Variants in EFEMP2 observed in about 807,000 individuals in gnomAD.
EFEMP2 encodes EGF-like fibulin extracellular matrix protein 2, also known as EGF-containing fibulin-like extracellular matrix protein 2.
In EFEMP2, 21 loss-of-function variants were observed where a neutral mutation model predicts 55.3. That is an observed-to-expected ratio of 0.38 (90% CI 0.27 to 0.55). EFEMP2 has a LOEUF of 0.55. Ranked by LOEUF, EFEMP2 falls within the 20% of genes least tolerant of loss-of-function variation. EFEMP2 has a pLI of 0.77. For missense variants in EFEMP2, 513 were observed against 615.1 expected (o/e 0.83, Z 1.76); for synonymous variants, 275 against 242.3 (o/e 1.14, Z -1.25).
chr11:65,871,436 G>A (rs778870563), intron 3 of EFEMP2, 73 bp from the exon 4 acceptor site: 1 of 1,436,992 alleles, frequency 7.0e-7, no homozygotes, highest in Non-Finnish European at 9.8e-7. Context: ...CAGGAACCCA[G>A]CTCGGCCTTC....
intron 10 of EFEMP2, 64 bp downstream of exon 10, chr11:65,867,797 C>G: frequency 6.3e-7 from 1 of 1,587,400 alleles, no homozygotes; most frequent in Non-Finnish European, 8.6e-7. Context: ...CGAGTTCCCC[C>G]TTAAGGCGTC....
intron 3 of EFEMP2, 84 bp downstream of exon 3, chr11:65,871,886 T>C (rs944106444): frequency 6.6e-7 from 1 of 1,513,914 alleles, no homozygotes; most frequent in African/African-American, 1.4e-5. Context: ...ACGGCAGTTC[T>C]TGGAGGTGGG....
chr11:65,870,202 G>C lies in EFEMP2; in HGVS notation c.526C>G (p.Arg176Gly), dbSNP rs773297046. Reference sequence around the variant, plus strand: ...AAGGAGCCAGGCAGGTTCACGCAGCGGTGCTGGCAGTAGCGGTAGCGGCAC... The same window carrying C: ...AAGGAGCCAGGCAGGTTCACGCAGCCGTGCTGGCAGTAGCGGTAGCGGCAC... ...DECRYRYCQH[R>G]CVNLPGSFRC... Residue 176 changes from arginine (R) to glycine (G), a missense_variant, in exon 6 of 11, where the codon CGC becomes GGC. Transcript: ENST00000307998. The C allele has an allele frequency of 6.2e-7, 1 of 1,613,614 alleles. No homozygotes were observed. Among genetic ancestry groups the C allele is most frequent in the Admixed American group, 1.7e-5 (1 of 60,024 alleles).
At position 65,870,223 on chromosome 11, in the gene EFEMP2, G is replaced by C; in HGVS notation, c.505C>G (p.Arg169Gly). Reference sequence around the variant, plus strand: ...CAGCGGTGCTGGCAGTAGCGGTAGCGGCACTCGTCTATGTCTAGGGATAGA... The same window carrying C: ...CAGCGGTGCTGGCAGTAGCGGTAGCCGCACTCGTCTATGTCTAGGGATAGA... ...GPECVDIDEC[R>G]YRYCQHRCVN... The change falls in exon 6 of 11, where the codon CGC (arginine) becomes GGC (glycine). Residue 169 changes from arginine to glycine, a missense_variant. Transcript: ENST00000307998. The C allele has an allele frequency of 1.2e-6, 2 of 1,613,446 alleles. No individual in the cohort carries two copies. Among genetic ancestry groups the C allele is most frequent in the Non-Finnish European group, 1.7e-6 (2 of 1,179,994 alleles).
At chr11:65,867,134 C>T in intron 10 of EFEMP2, 55 bp from the exon 11 acceptor site, 1 of 1,607,540 alleles carries the variant, frequency 6.2e-7, no homozygotes, top group Non-Finnish European at 8.5e-7. Context: ...TGTGCTAGGC[C>T]CCTGCCCCAG....
chr11:65,872,680 C>A lies in EFEMP2; in HGVS notation c.-8+3G>T. On this transcript the variant is annotated splice_donor_region_variant and intron_variant, in intron 1 of 10. Transcript: ENST00000307998. ...TCCCCCACGGACGGTCACAGCCACT[C>A]ACTTGGGCCCGCGACACCCCCGCGG... 1 of 346,148 alleles carries A rather than the reference C, an allele frequency of 2.9e-6. No individual in the cohort carries two copies. Among genetic ancestry groups the A allele is most frequent in the South Asian group, 2.1e-5 (1 of 47,846 alleles). 21.4% of individuals were successfully genotyped at this position (346,148 alleles called of 1,614,324 possible). A position where few individuals can be genotyped will look rare whatever the true frequency, so the allele number is the denominator to read the frequency against.
In EFEMP2 at chr11:65,872,758, CG is replaced by C; in HGVS notation, c.-84del. The C allele has an allele frequency of 6.1e-6, 2 of 329,878 alleles. No homozygotes were observed. Among genetic ancestry groups the C allele is most frequent in the South Asian group, 2.1e-5 (1 of 46,754 alleles). 20.4% of individuals were successfully genotyped at this position (329,878 alleles called of 1,614,324 possible). Reference sequence around the variant, plus strand: ...CGGGCAATGCCTGCGGGCAGACGGACGGGCGGACGGCACAGCTCCCTGGACG... The same window carrying C: ...CGGGCAATGCCTGCGGGCAGACGGACGGCGGACGGCACAGCTCCCTGGACG... On this transcript the variant is annotated 5_prime_UTR_variant, in exon 1 of 11. Coordinates refer to ENST00000307998, the MANE Select transcript of EFEMP2 (RefSeq NM_016938.5).
Position 65,872,248 on chromosome 11 carries a change from T to G in EFEMP2, c.107A>C (p.Tyr36Ser), listed in dbSNP as rs1435111088. Reference protein sequence around the residue: ...SPQDSEEPDSYTECTDGYEWD... With the variant: ...SPQDSEEPDSSTECTDGYEWD... ...AGCGGCCCTCACTGTCCCCACCGTG[T>G]AGCTGTCGGGCTCTTCAGAATCCTG... is the stretch of plus-strand genomic sequence containing the variant. Residue 36 changes from tyrosine to serine, a missense_variant, in exon 2 of 11, where the codon TAC (tyrosine) becomes TCC (serine). Transcript: ENST00000307998. The G allele has an allele frequency of 6.4e-7, 1 of 1,551,306 alleles. No homozygotes were observed. The highest frequency in any genetic ancestry group is 1.2e-5 in the South Asian group (1 of 84,048).
At position 65,872,714 on chromosome 11, in the gene EFEMP2, T is replaced by C; in HGVS notation, c.-39A>G. On this transcript the variant is annotated 5_prime_UTR_variant, in exon 1 of 11. Transcript: ENST00000307998. The stretch of plus-strand genomic sequence containing the variant: ...CCGCGACACCCCCGCGGCCCGCGGC[T>C]CTGGCGGCTCGGCTGGCTCGGGCAA... 2.8e-6 allele frequency: 1 copy of C among 355,452 alleles called. No homozygotes were observed. Among genetic ancestry groups the C allele is most frequent in the Non-Finnish European group, 5.7e-6 (1 of 176,328 alleles). 22.0% of individuals were successfully genotyped at this position (355,452 alleles called of 1,614,324 possible).
rs967073714 is a variant in EFEMP2 at position 65,868,229 on chromosome 11, C to T, written c.974+66G>A. 3 of 1,605,446 alleles carry T rather than the reference C, an allele frequency of 1.9e-6. No homozygotes were observed. The African/African-American group carries it at 4.0e-5, about 21-fold the overall frequency. On this transcript the variant is annotated intron_variant, in intron 9 of 10. Coordinates refer to ENST00000307998, the MANE Select transcript of EFEMP2 (RefSeq NM_016938.5). ...GGGCACTCGCTGGTCTGAATAGATGCCAGTCAGCCCCAAAGCCCCCTGGGA... is the reference window on the plus strand; with the variant it reads ...GGGCACTCGCTGGTCTGAATAGATGTCAGTCAGCCCCAAAGCCCCCTGGGA...
At position 65,866,593 on chromosome 11, in the gene EFEMP2, C is replaced by G; in HGVS notation, c.*325G>C. 2.8e-6 allele frequency: 2 copies of G among 702,900 alleles called. No individual in the cohort carries two copies. Among genetic ancestry groups the G allele is most frequent in the East Asian group, 5.4e-5 (2 of 37,272 alleles). The allele number at this position is 702,900 out of a possible 1,614,324, so 43.5% of individuals were successfully genotyped here. ...TTTCTTAGGACCCCTGCAAGCCAGC[C>G]AAGTCCAAATCTCTGGGCCGGGGCC... On this transcript the variant is annotated 3_prime_UTR_variant, in exon 11 of 11. Transcript: ENST00000307998.
At position 65,870,112 on chromosome 11, in the gene EFEMP2, C is replaced by T. The variant is rs1231846567; in HGVS notation, c.607+9G>A. On this transcript the variant is annotated intron_variant, in intron 6 of 10. Coordinates refer to ENST00000307998, the MANE Select transcript of EFEMP2 (RefSeq NM_016938.5). ...CAGGACCCAGGAGCCTGGCCCAGCC[C>T]AGCCTCACCAACACAGGAGCGGTTG... 1 of 1,613,620 alleles carries T rather than the reference C, an allele frequency of 6.2e-7. No individual in the cohort carries two copies. Among genetic ancestry groups the T allele is most frequent in the South Asian group, 1.1e-5 (1 of 91,074 alleles).
At chr11:65,869,762 G>T in intron 7 of EFEMP2, 95 bp downstream of exon 7, 1 of 1,568,726 alleles carries the variant, frequency 6.4e-7, no homozygotes, top group Non-Finnish European at 8.7e-7. Context: ...GACAGGAGGC[G>T]GAGGCCTCAA....
chr11:65,871,095 T>A, intron 4 of EFEMP2, 62 bp downstream of exon 4: 1 of 1,584,400 alleles, frequency 6.3e-7, no homozygotes, highest in Non-Finnish European at 8.6e-7. Context: ...GAACATGAGG[T>A]CTGAGTTTAA....
chr11:65,871,074 GA>G, intron 4 of EFEMP2, 82 bp downstream of exon 4: 1 of 1,509,814 alleles, frequency 6.6e-7, no homozygotes, highest in Non-Finnish European at 9.1e-7. Flanking sequence ...TGGCCCTTTT[GA>G]GCTGGGGAGG....
At chr11:65,868,098 C>T (rs761158323) in intron 9 of EFEMP2, 42 bp from the exon 10 acceptor site, 31 of 1,601,020 alleles carry the variant, frequency 1.9e-5, no homozygotes, top group Non-Finnish European at 2.4e-5. Flanking sequence ...GCTCCTTGCC[C>T]GTCCCCCCAA....
In EFEMP2 at chr11:65,871,296, C is replaced by T. The variant is rs1465417082; in HGVS notation, c.228G>A (p.Gly76=). 2 of 1,614,120 alleles carry T rather than the reference C, an allele frequency of 1.2e-6. No individual in the cohort carries two copies. Among genetic ancestry groups the T allele is most frequent in the South Asian group, 1.1e-5 (1 of 91,084 alleles). The change falls in exon 4 of 11, where the codon GGG becomes GGA. Residue 76 remains glycine, a synonymous_variant. Coordinates refer to ENST00000307998, the MANE Select transcript of EFEMP2 (RefSeq NM_016938.5). The part of the protein sequence containing the change: ...KGEMKCINHY[G]GYLCLPRSAA... ...CGGAGCGGGGCAGGCACAAGTAGCC[C>T]CCGTAGTGGTTGATGCACTTCATTT...
At chr11:65,871,941 G>C (rs1173539997) in intron 3 of EFEMP2, 29 bp downstream of exon 3, 1 of 1,551,218 alleles carries the variant, frequency 6.4e-7, no homozygotes, top group African/African-American at 1.4e-5. Context: ...CGGGTTCCTG[G>C]GGGTGTTTGG....
Position 65,867,015 on chromosome 11 carries a change from A to G in EFEMP2, c.1235T>C (p.Val412Ala). The G allele has an allele frequency of 3.1e-6, 5 of 1,614,166 alleles. No individual in the cohort carries two copies. The highest frequency in any genetic ancestry group is 4.2e-6 in the Non-Finnish European group (5 of 1,180,030). The change falls in exon 11 of 11, where the codon GTG (valine) becomes GCG (alanine). Residue 412 changes from valine to alanine, a missense_variant. Val to Ala is a moderately conservative substitution (Grantham distance 64). Transcript: ENST00000307998. ...ARPVTGPREY[V>A]LDLEMVTMNS... The stretch of plus-strand genomic sequence containing the variant: ...CATGGTGACCATCTCCAGGTCCAGC[A>G]CGTACTCCCGGGGGCCCGTCACCGG...
Sources: gnomAD v4.1 joint callset for allele counts on GRCh38, gnomAD v4.1.1 for gene constraint, MANE v1.5 for transcripts, NCBI Gene and HGNC (gene_info 2026-07-23, HGNC 2026-07-21) for gene names.